The following HS6ST3 variants were observed in gnomAD, a reference collection of about 807,000 sequenced individuals.
HS6ST3 encodes heparan sulfate 6-O-sulfotransferase 3, also known as heparan-sulfate 6-O-sulfotransferase 3.
Under a neutral mutation model 36.7 loss-of-function variants are expected in HS6ST3, and 12 were observed. That is an observed-to-expected ratio of 0.33 (90% confidence interval 0.21 to 0.53). HS6ST3 has a LOEUF of 0.53. Among genes scored for constraint, HS6ST3 ranks in the 20% least tolerant of loss-of-function variants. The probability of loss-of-function intolerance (pLI) is 0.95; values close to 1 mark genes in which losing one functional copy is unlikely to be tolerated. For synonymous variants in HS6ST3, 240 were observed against 257.5 expected (o/e 0.93, Z 0.65); for missense variants, 584 against 640.9 (o/e 0.91, Z 0.96).
intron 1 of HS6ST3, among the ~76,000 whole-genome samples, chr13:96,691,977 C>A (rs1267445317): frequency 6.6e-6 from 1 of 152,022 alleles, no homozygotes; most frequent in Non-Finnish European, 1.5e-5. Flanking sequence ...TGAGCCTAAG[C>A]CTAAATACAG....
rs1262186823 is a variant in HS6ST3 at position 96,182,262 on chromosome 13, A to G, written c.707+90693A>G. Among the ~76,000 whole-genome samples, 3 of 152,252 alleles carry G rather than the reference A, an allele frequency of 2.0e-5. No individual in the cohort carries two copies. The South Asian group carries it at 6.2e-4, about 31-fold the overall frequency. The stretch of plus-strand genomic sequence containing the variant: ...GTTAACCCTTGACTTTTGCTAAAAT[A>G]ATATTGAACCCTGCAATTCATTTTG... On this transcript the variant is annotated intron_variant, in intron 1 of 1. Coordinates refer to ENST00000376705, the MANE Select transcript of HS6ST3 (RefSeq NM_153456.4).
In HS6ST3 at chr13:96,176,976, T is replaced by G. The variant is rs971518498; in HGVS notation, c.707+85407T>G. On this transcript the variant is annotated intron_variant, in intron 1 of 1. Coordinates refer to ENST00000376705, the MANE Select transcript of HS6ST3 (RefSeq NM_153456.4). ...AGTGGGCAAAGACATGAGCAGACACTTCTGAAAAGAAGACATACACGCGGC... is the reference window on the plus strand; with the variant it reads ...AGTGGGCAAAGACATGAGCAGACACGTCTGAAAAGAAGACATACACGCGGC... Among the ~76,000 whole-genome samples, 14 of 152,256 alleles carry G rather than the reference T, an allele frequency of 9.2e-5. No homozygotes were observed. In the East Asian group the frequency reaches 2.1e-3, roughly 23 times the overall value.
At chr13:96,116,300 C>G (rs1427824708) in intron 1 of HS6ST3, among the ~76,000 whole-genome samples, 1 of 152,182 alleles carries the variant, frequency 6.6e-6, no homozygotes, top group Non-Finnish European at 1.5e-5. Flanking sequence ...AGAAATCTGA[C>G]TGGCCCACCT....
chr13:96,276,036 C>T (rs1282121843), intron 1 of HS6ST3, among the ~76,000 whole-genome samples: 1 of 152,002 alleles, frequency 6.6e-6, no homozygotes, highest in Non-Finnish European at 1.5e-5. Context: ...CATGCCTTGC[C>T]TCTCCCATAT....
chr13:96,683,581 A>T (rs1874674151), intron 1 of HS6ST3, among the ~76,000 whole-genome samples: 1 of 152,094 alleles, frequency 6.6e-6, no homozygotes, highest in Admixed American at 6.6e-5. Flanking sequence ...ACTGGTAGCC[A>T]TTCATACCAA....
At chr13:96,829,568 G>T (rs1878727603) in intron 1 of HS6ST3, among the ~76,000 whole-genome samples, 1 of 152,100 alleles carries the variant, frequency 6.6e-6, no homozygotes, top group African/African-American at 2.4e-5. Context: ...ACTTATAAGT[G>T]AGAACATGCA....
At chr13:96,099,384 A>T (rs1419696210) in intron 1 of HS6ST3, among the ~76,000 whole-genome samples, 3 of 152,242 alleles carry the variant, frequency 2.0e-5, no homozygotes, top group African/African-American at 4.8e-5. Flanking sequence ...TGATAAAGTC[A>T]ATGTTAATTC....
chr13:96,098,235 A>T (rs1001968054), intron 1 of HS6ST3, among the ~76,000 whole-genome samples: 2 of 152,156 alleles, frequency 1.3e-5, no homozygotes, highest in African/African-American at 4.8e-5. Flanking sequence ...TGTGCTTTAG[A>T]AAAAAATCAG....
chr13:96,764,082 C>G (rs1465002636), intron 1 of HS6ST3, among the ~76,000 whole-genome samples: 4 of 152,210 alleles, frequency 2.6e-5, no homozygotes, highest in African/African-American at 9.6e-5. Flanking sequence ...AACGTTTACT[C>G]ACATTCACGT....
chr13:96,799,112 T>C (rs1331424443), intron 1 of HS6ST3, among the ~76,000 whole-genome samples: 1 of 152,144 alleles, frequency 6.6e-6, no homozygotes, highest in Non-Finnish European at 1.5e-5. Context: ...TATTAGGGCT[T>C]CGACTTATGA....
chr13:96,722,748 A>G (rs1015798751), intron 1 of HS6ST3, among the ~76,000 whole-genome samples: 2 of 152,162 alleles, frequency 1.3e-5, no homozygotes, highest in African/African-American at 4.8e-5. Context: ...AGGCTGAGGC[A>G]GGCAGATTGC....
chr13:96,808,176 TG>T (rs1241297937), intron 1 of HS6ST3, among the ~76,000 whole-genome samples: 3 of 152,218 alleles, frequency 2.0e-5, no homozygotes, highest in African/African-American at 7.2e-5. Flanking sequence ...AGAATGTATT[TG>T]AGCCCAGCCT....
At chr13:96,492,014 C>G (rs1169283700) in intron 1 of HS6ST3, among the ~76,000 whole-genome samples, 1 of 152,142 alleles carries the variant, frequency 6.6e-6, no homozygotes, top group East Asian at 1.9e-4. Flanking sequence ...AGAGCAGTTA[C>G]CTTAATGACT....
intron 1 of HS6ST3, among the ~76,000 whole-genome samples, chr13:96,398,894 G>A (rs528946105): frequency 1.3e-5 from 2 of 152,330 alleles, no homozygotes; most frequent in South Asian, 2.1e-4. Context: ...ATGACATCCA[G>A]CAACTAGACA....
chr13:96,267,697 A>G (rs2054699081), intron 1 of HS6ST3, among the ~76,000 whole-genome samples: 1 of 152,050 alleles, frequency 6.6e-6, no homozygotes. Flanking sequence ...GGCTGATTTT[A>G]TAAGTGCTAT....
At chr13:96,288,098 G>T (rs2054812369) in intron 1 of HS6ST3, among the ~76,000 whole-genome samples, 1 of 152,256 alleles carries the variant, frequency 6.6e-6, no homozygotes, top group East Asian at 1.9e-4. Context: ...TACTGATTCA[G>T]AAACTTAGAA....
chr13:96,817,596 G>T (rs1878448175), intron 1 of HS6ST3, among the ~76,000 whole-genome samples: 1 of 152,306 alleles, frequency 6.6e-6, no homozygotes, highest in Non-Finnish European at 1.5e-5. Context: ...CTTTTAGCTG[G>T]TTTTTTGTTG....
chr13:96,293,732 A>G lies in HS6ST3; in HGVS notation c.707+202163A>G, dbSNP rs573504495. Among the ~76,000 whole-genome samples, 151 of 152,224 alleles carry G rather than the reference A, an allele frequency of 9.9e-4. 1 individual carries two copies. The highest frequency in any genetic ancestry group is 2.0e-3 in the Admixed American group (30 of 15,272). On this transcript the variant is annotated intron_variant, in intron 1 of 1. Transcript: ENST00000376705. ...GCAGTTTATGATTGAATTGGGTATCACCTCTGGAGCATATTGGTAAGAGAA... is the reference window on the plus strand; with the variant it reads ...GCAGTTTATGATTGAATTGGGTATCGCCTCTGGAGCATATTGGTAAGAGAA...
chr13:96,213,546 A>G (rs1300405660), intron 1 of HS6ST3, among the ~76,000 whole-genome samples: 1 of 136,730 alleles, frequency 7.3e-6, no homozygotes, highest in African/African-American at 2.7e-5. Context: ...TTTTTTTTTT[A>G]GATGGAATCT....
Sources: gnomAD v4.1 joint callset for allele counts (sites outside exome capture counted in the v4.1 genomes callset) on GRCh38, gnomAD v4.1.1 for gene constraint, MANE v1.5 for transcripts, NCBI Gene and HGNC (gene_info 2026-07-23, HGNC 2026-07-21) for gene names.